Variants in GALNT9 observed in about 807,000 individuals in gnomAD.
The protein encoded by GALNT9 is GalNAc transferase 9.
A neutral mutation model predicts 63.1 loss-of-function variants in GALNT9; 47 were observed. The ratio of observed to expected loss-of-function variants is 0.75; its 90% CI spans 0.59 to 0.95. GALNT9 has a LOEUF of 0.95. Ranked by LOEUF, GALNT9 falls within the 40% of genes least tolerant of loss-of-function variation. The probability of loss-of-function intolerance (pLI) is 0.00; values close to 1 mark genes in which losing one functional copy is unlikely to be tolerated. For missense variants in GALNT9, 829 were observed against 874.8 expected (o/e 0.95, Z 0.66); for synonymous variants, 396 against 365.7 (o/e 1.08, Z -0.94).
chr12:132,201,092 G>A (rs764247836), intron 8 of GALNT9, 32 bp downstream of exon 8: 19 of 1,603,976 alleles, frequency 1.2e-5, no homozygotes, highest in Admixed American at 8.4e-5. Context: ...AAAGCCTGTC[G>A]GGCCGAACGG....
chr12:132,260,812 G>C, intron 4 of GALNT9, 136 bp downstream of exon 4: 1 of 1,272,740 alleles, frequency 7.9e-7, no homozygotes. Context: ...CTCAGTCCCA[G>C]ATCCTGAAGG....
chr12:132,304,595 A>G (rs1242473013), intron 1 of GALNT9, among the ~76,000 whole-genome samples: 3 of 25,808 alleles, frequency 1.2e-4, no homozygotes, highest in Admixed American at 4.5e-4. Context: ...ACACGCCCTC[A>G]CCCGGGCACA....
chr12:132,290,694 A>ACCC, intron 1 of GALNT9, among the ~76,000 whole-genome samples: 1 of 93,642 alleles, frequency 1.1e-5, no homozygotes, highest in Admixed American at 9.6e-5. Context: ...CAGCGCCCAC[A>ACCC]ACCACAGCAC....
At chr12:132,235,036 GTCCCTGGTGCC>G (rs1877945551) in intron 6 of GALNT9, among the ~76,000 whole-genome samples, 1 of 43,826 alleles carries the variant, frequency 2.3e-5, no homozygotes, top group Admixed American at 2.2e-4. Context: ...ACAGCGTGGA[GTCCCTGGTGCC>G]ACACACTCGA....
At chr12:132,203,737 G>A (rs761510323) in intron 6 of GALNT9, 47 bp from the exon 7 acceptor site, 26 of 1,581,184 alleles carry the variant, frequency 1.6e-5, no homozygotes, top group East Asian at 6.8e-5. Context: ...CAACGGAAGC[G>A]GGCAGCCCGG....
chr12:132,261,221 G>A (rs1555239765), intron 3 of GALNT9, 99 bp from the exon 4 acceptor site: 7 of 1,513,378 alleles, frequency 4.6e-6, no homozygotes, highest in Non-Finnish European at 4.4e-6. Flanking sequence ...TGTGGGATGG[G>A]TGTATTGTAA....
At chr12:132,258,922 G>T (rs536176663) in intron 4 of GALNT9, among the ~76,000 whole-genome samples, 59 of 152,062 alleles carry the variant, frequency 3.9e-4, no homozygotes, top group African/African-American at 1.4e-3. Context: ...GCAGTGAGAG[G>T]CTGGATGGCC....
In GALNT9 at chr12:132,221,679, G is replaced by T. The variant is rs1429273502; in HGVS notation, c.1078-17989C>A. Among the ~76,000 whole-genome samples the T allele has an allele frequency of 1.1e-4, 7 of 62,466 alleles. No homozygotes were observed. In the South Asian group the frequency reaches 2.5e-3, roughly 23 times the overall value. The allele number at this position is 62,466 out of a possible 152,430, so 41.0% of individuals were successfully genotyped here. On this transcript the variant is annotated intron_variant, in intron 6 of 10. Coordinates refer to ENST00000328957, the MANE Select transcript of GALNT9 (RefSeq NM_001122636.2). ...TTCTCAAAAAAAAAAAAAAAAAAAA[G>T]CAAGCAAGCCTGAGATGGACAATGT...
intron 6 of GALNT9, among the ~76,000 whole-genome samples, chr12:132,239,485 G>A: frequency 6.6e-6 from 1 of 151,488 alleles, no homozygotes; most frequent in East Asian, 1.9e-4. Context: ...AAGAGACAGA[G>A]ATACAGAGAG....
In GALNT9 at chr12:132,257,906, A is replaced by T. The variant is rs1248913180; in HGVS notation, c.762-20T>A. 1.3e-6 allele frequency: 2 copies of T among 1,487,696 alleles called. No homozygotes were observed. The highest frequency in any genetic ancestry group is 2.8e-5 in the African/African-American group (2 of 72,104). 92.2% of individuals were successfully genotyped at this position (1,487,696 alleles called of 1,614,324 possible). A position where few individuals can be genotyped will look rare whatever the true frequency, so the allele number is the denominator to read the frequency against. ...TCGGCCCTGCGGAGGCACAGCTGTG[A>T]GGAGGGGCGGCCCCAGCCCACCGCA... On this transcript the variant is annotated intron_variant, in intron 4 of 10. Transcript: ENST00000328957.
intron 1 of GALNT9, among the ~76,000 whole-genome samples, chr12:132,291,520 T>G (rs1299683479): frequency 7.1e-6 from 1 of 140,620 alleles, no homozygotes; most frequent in African/African-American, 2.8e-5. Flanking sequence ...ACCACCCACA[T>G]CCACAGCACC....
chr12:132,198,524 T>C (rs369228763), intron 9 of GALNT9, among the ~76,000 whole-genome samples: 1,554 of 146,984 alleles, frequency 0.011, 31 homozygotes, highest in South Asian at 0.095. Context: ...GCCGTGTTAA[T>C]CCACCCCCCG....
chr12:132,241,897 C>A (rs1183863899), intron 6 of GALNT9, among the ~76,000 whole-genome samples: 4 of 12,132 alleles, frequency 3.3e-4, no homozygotes, highest in East Asian at 3.4e-3. Context: ...ACCCCCTTCC[C>A]GGGGCCCTCC....
chr12:132,235,565 C>T (rs1446313403), intron 6 of GALNT9, among the ~76,000 whole-genome samples: 1 of 152,102 alleles, frequency 6.6e-6, no homozygotes, highest in African/African-American at 2.4e-5. Context: ...CCAGGGTGGT[C>T]AGCATGGAGT....
chr12:132,325,419 G>C (rs1236163913), intron 1 of GALNT9, among the ~76,000 whole-genome samples: 1 of 152,170 alleles, frequency 6.6e-6, no homozygotes, highest in Admixed American at 6.5e-5. Flanking sequence ...ACAGTCATGG[G>C]GGGATGCATG....
intron 2 of GALNT9, among the ~76,000 whole-genome samples, chr12:132,269,404 G>T (rs1555240526): frequency 6.6e-6 from 1 of 152,228 alleles, no homozygotes; most frequent in Non-Finnish European, 1.5e-5. Flanking sequence ...AGAGGAAGGG[G>T]CAGGAGGTCA....
intron 6 of GALNT9, among the ~76,000 whole-genome samples, chr12:132,243,312 A>G (rs1172758175): frequency 7.4e-6 from 1 of 134,716 alleles, no homozygotes; most frequent in East Asian, 2.1e-4. Flanking sequence ...TATACCCATT[A>G]CACACACACC....
intron 6 of GALNT9, among the ~76,000 whole-genome samples, chr12:132,221,652 C>T (rs1437649536): frequency 1.9e-5 from 1 of 52,558 alleles, no homozygotes. Flanking sequence ...CAGAGTGAGA[C>T]GTTCTCAAAA....
At chr12:132,257,910 G>A in intron 4 of GALNT9, 24 bp from the exon 5 acceptor site, 1 of 1,475,402 alleles carries the variant, frequency 6.8e-7, no homozygotes, top group Admixed American at 2.0e-5. Flanking sequence ...GCTGTGAGGA[G>A]GGGCGGCCCC....
Sources: allele counts gnomAD v4.1 joint callset (sites outside exome capture counted in the v4.1 genomes callset), GRCh38; gene constraint gnomAD v4.1.1; transcripts MANE v1.5; gene names NCBI Gene and HGNC (gene_info 2026-07-23, HGNC 2026-07-21).